ADAMTSL1: variants seen among roughly 807,000 people sequenced by gnomAD.
ADAMTSL1 encodes the protein ADAMTS like 1.
ADAMTSL1 carries 126 observed loss-of-function variants against 201.8 expected under a neutral mutation model. The observed-to-expected ratio is 0.62, with a 90% CI of 0.54 to 0.72. The LOEUF (loss-of-function observed/expected upper bound fraction) is 0.72, where lower values mean the gene tolerates loss of function less well. Among genes scored for constraint, ADAMTSL1 ranks in the 30% least tolerant of loss-of-function variants. The pLI is 0.00. For missense variants in ADAMTSL1, 2,679 were observed against 2,277.8 expected (o/e 1.18, Z -3.59); for synonymous variants, 1,121 against 903.4 (o/e 1.24, Z -4.32).
chr9:18,314,700 T>A (rs1197322188), intron 2 of ADAMTSL1, among the ~76,000 whole-genome samples: 1 of 150,992 alleles, frequency 6.6e-6, no homozygotes. Flanking sequence ...CAGCAAGGTT[T>A]ATCTCGAAGA....
At chr9:18,079,356 A>T (rs1017866680) in intron 1 of ADAMTSL1, among the ~76,000 whole-genome samples, 9 of 152,114 alleles carry the variant, frequency 5.9e-5, no homozygotes, top group Admixed American at 2.0e-4. Context: ...TTTCCATTTA[A>T]TATCCTTTTA....
chr9:18,283,766 G>A (rs1832882668), intron 2 of ADAMTSL1, among the ~76,000 whole-genome samples: 2 of 149,812 alleles, frequency 1.3e-5, no homozygotes, highest in South Asian at 2.1e-4. Context: ...CAAAAAATTA[G>A]CCAGGCATGG....
chr9:18,406,958 G>A (rs1818232416), intron 2 of ADAMTSL1, among the ~76,000 whole-genome samples: 1 of 152,140 alleles, frequency 6.6e-6, no homozygotes, highest in Non-Finnish European at 1.5e-5. Context: ...AATGTGAAAA[G>A]CAGGTTTATA....
At chr9:17,967,925 G>C in intron 1 of ADAMTSL1, among the ~76,000 whole-genome samples, 1 of 152,108 alleles carries the variant, frequency 6.6e-6, no homozygotes, top group East Asian at 1.9e-4. Flanking sequence ...AATAGACAGG[G>C]TGTGTAACTT....
Position 18,067,436 on chromosome 9 carries a change from T to A in ADAMTSL1, c.88-96426T>A, listed in dbSNP as rs116206346. ...TTCTAGAGGGCCTTTTGCCATATTA[T>A]GAGATGAGAAATATGAAAGCATAAA... On this transcript the variant is annotated intron_variant, in intron 1 of 29. Transcript: ENST00000680146. Among the ~76,000 whole-genome samples, 524 of 148,198 alleles carry A rather than the reference T, an allele frequency of 3.5e-3. 4 individuals are homozygous for A. The highest frequency in any genetic ancestry group is 0.012 in the African/African-American group (488 of 41,276).
chr9:18,652,937 T>C (rs1828387695), intron 7 of ADAMTSL1, among the ~76,000 whole-genome samples: 2 of 152,230 alleles, frequency 1.3e-5, no homozygotes, highest in Admixed American at 1.3e-4. Context: ...ACCATTGTCC[T>C]AAGCCATGTG....
chr9:18,854,249 C>T (rs1429641428), intron 23 of ADAMTSL1, among the ~76,000 whole-genome samples: 3 of 152,162 alleles, frequency 2.0e-5, no homozygotes, highest in Non-Finnish European at 4.4e-5. Context: ...CACACACACA[C>T]ACACCCCTTC....
chr9:18,860,309 T>C (rs1459983822), intron 23 of ADAMTSL1, among the ~76,000 whole-genome samples: 3 of 152,214 alleles, frequency 2.0e-5, no homozygotes, highest in Non-Finnish European at 4.4e-5. Context: ...TCAAATGATC[T>C]CATACCCTCG....
At chr9:18,771,680 G>C (rs1397505660) in intron 17 of ADAMTSL1, among the ~76,000 whole-genome samples, 1 of 130,860 alleles carries the variant, frequency 7.6e-6, no homozygotes, top group Non-Finnish European at 1.6e-5. Context: ...ATAAGCATTT[G>C]AATTTGCCTT....
intron 23 of ADAMTSL1, among the ~76,000 whole-genome samples, chr9:18,875,995 C>A (rs1828124924): frequency 6.6e-6 from 1 of 152,030 alleles, no homozygotes; most frequent in Non-Finnish European, 1.5e-5. Context: ...TTATATATGT[C>A]TCTCTTTGTC....
chr9:18,692,310 G>A (rs990444298), intron 13 of ADAMTSL1, among the ~76,000 whole-genome samples: 11 of 152,152 alleles, frequency 7.2e-5, no homozygotes, highest in South Asian at 4.1e-4. Flanking sequence ...ATCTCCATGC[G>A]CAGAAACAGC....
chr9:17,974,386 A>G (rs947738922), intron 1 of ADAMTSL1, among the ~76,000 whole-genome samples: 6 of 152,096 alleles, frequency 3.9e-5, no homozygotes, highest in African/African-American at 1.4e-4. Context: ...CTGATAAGCA[A>G]CTTCAGCAAA....
chr9:18,317,298 G>C (rs183377415), intron 2 of ADAMTSL1, among the ~76,000 whole-genome samples: 2 of 152,144 alleles, frequency 1.3e-5, no homozygotes, highest in African/African-American at 4.8e-5. Flanking sequence ...AAATCAACAA[G>C]TTCTGGGGGT....
intron 2 of ADAMTSL1, among the ~76,000 whole-genome samples, chr9:18,233,011 C>T (rs901662862): frequency 6.6e-6 from 1 of 152,164 alleles, no homozygotes; most frequent in Admixed American, 6.5e-5. Flanking sequence ...AGGTGGAAGA[C>T]ATTGCTATTA....
At chr9:18,562,700 G>A (rs921680331) in intron 3 of ADAMTSL1, among the ~76,000 whole-genome samples, 2 of 152,158 alleles carry the variant, frequency 1.3e-5, no homozygotes, top group East Asian at 3.8e-4. Context: ...ATTTCTTGGA[G>A]GCTTTGTTCA....
At chr9:18,150,514 A>C (rs1826860928) in intron 1 of ADAMTSL1, among the ~76,000 whole-genome samples, 1 of 152,052 alleles carries the variant, frequency 6.6e-6, no homozygotes, top group South Asian at 2.1e-4. Flanking sequence ...GAGTTTGTGG[A>C]GTCATGAAGT....
intron 15 of ADAMTSL1, among the ~76,000 whole-genome samples, chr9:18,721,952 A>G (rs992483044): frequency 6.6e-6 from 1 of 152,186 alleles, no homozygotes; most frequent in African/African-American, 2.4e-5. Context: ...CCTAAAGGGA[A>G]CATGAGGTGA....
chr9:18,889,853 G>A, intron 25 of ADAMTSL1, 105 bp downstream of exon 25: 2 of 1,156,022 alleles, frequency 1.7e-6, no homozygotes, highest in Non-Finnish European at 2.3e-6. Context: ...AGGGAGAGAT[G>A]CCAGCCAAGG....
At chr9:18,115,576 CTTAA>C (rs1346655390) in intron 1 of ADAMTSL1, among the ~76,000 whole-genome samples, 13 of 152,144 alleles carry the variant, frequency 8.5e-5, no homozygotes, top group Non-Finnish European at 1.5e-4. Flanking sequence ...TTTACCAGAA[CTTAA>C]AGAGGATTTA....
Sources: gnomAD v4.1 joint callset for allele counts (sites outside exome capture counted in the v4.1 genomes callset) on GRCh38, gnomAD v4.1.1 for gene constraint, MANE v1.5 for transcripts, NCBI Gene and HGNC (gene_info 2026-07-23, HGNC 2026-07-21) for gene names.